The following CGGBP1 variants were observed in gnomAD, a reference collection of about 807,000 sequenced individuals.
CGGBP1 encodes the protein CGG triplet repeat binding protein 1.
In CGGBP1, 4 loss-of-function variants were observed where a neutral mutation model predicts 11.4. That is an observed-to-expected ratio of 0.35 (90% confidence interval 0.17 to 0.80). The LOEUF is 0.80. CGGBP1 is among the 30% of genes least tolerant of loss of function. The pLI is 0.52. For synonymous variants in CGGBP1, 76 were observed against 74.1 expected (o/e 1.03, Z -0.13); for missense variants, 135 against 202.1 (o/e 0.67, Z 2.01).
At chr3:88,081,848 T>C (rs943688961) in intron 2 of CGGBP1, among the ~76,000 whole-genome samples, 1 of 152,224 alleles carries the variant, frequency 6.6e-6, no homozygotes, top group African/African-American at 2.4e-5. Context: ...TGTTTACTGT[T>C]GCTGTAGAGT....
chr3:88,104,672 C>T (rs1354702807), intron 2 of CGGBP1, among the ~76,000 whole-genome samples: 2 of 152,134 alleles, frequency 1.3e-5, no homozygotes, highest in South Asian at 2.1e-4. Context: ...TTTGTAAACT[C>T]TAGAGTAACC....
chr3:88,079,398 T>C (rs1283935823), intron 2 of CGGBP1, among the ~76,000 whole-genome samples: 1 of 152,116 alleles, frequency 6.6e-6, no homozygotes, highest in Non-Finnish European at 1.5e-5. Flanking sequence ...TAAAGATGTA[T>C]GTGATAGCTG....
chr3:88,111,508 A>G (rs1020850001), intron 2 of CGGBP1, among the ~76,000 whole-genome samples: 1 of 151,954 alleles, frequency 6.6e-6, no homozygotes, highest in Admixed American at 6.6e-5. Flanking sequence ...TTTAATTCAT[A>G]TAGATGTAGC....
rs188944970 is a variant in CGGBP1, at chr3:88,120,591, C to T, written c.-229+20379G>A. Among the ~76,000 whole-genome samples the T allele has an allele frequency of 3.3e-5, 5 of 152,092 alleles. No individual in the cohort carries two copies. In the East Asian group the frequency reaches 9.7e-4, roughly 29 times the overall value. On this transcript the variant is annotated intron_variant, in intron 2 of 3. Transcript: ENST00000462901. ...ACAAACATGAGTTTTACATTCAGCC[C>T]CAAACACAAATATAAAAACAAATAA...
At chr3:88,148,555 G>A (rs536336351) in intron 1 of CGGBP1, among the ~76,000 whole-genome samples, 6 of 152,232 alleles carry the variant, frequency 3.9e-5, no homozygotes, top group Admixed American at 2.6e-4. Flanking sequence ...TGAGTAAATG[G>A]TACCCCAATA....
At chr3:88,149,200 G>GCA (rs922333313) in intron 1 of CGGBP1, among the ~76,000 whole-genome samples, 4 of 152,156 alleles carry the variant, frequency 2.6e-5, no homozygotes, top group African/African-American at 9.7e-5. Context: ...AGAGCCCCAT[G>GCA]CACTGTTCAC....
chr3:88,059,301 G>T (rs1274746286), upstream of CGGBP1: 3 of 1,532,938 alleles, frequency 2.0e-6, no homozygotes, highest in East Asian at 2.4e-5. Context: ...GCTGGTACGC[G>T]CTGGGCGGCG....
At chr3:88,064,076 C>G (rs1336325620) in intron 2 of CGGBP1, among the ~76,000 whole-genome samples, 1 of 149,672 alleles carries the variant, frequency 6.7e-6, no homozygotes, top group African/African-American at 2.4e-5. Flanking sequence ...TGGAAGAAAA[C>G]AAGAATGGAT....
rs775418057 is a variant in CGGBP1, at chr3:88,056,010, A to T, written c.-23-11T>A. 6.4e-7 allele frequency: 1 copy of T among 1,550,394 alleles called. No homozygotes were observed. Among genetic ancestry groups the T allele is most frequent in the African/African-American group, 1.4e-5 (1 of 72,752 alleles). ...TAAATAAATATGGTTCTTTCAAGAC[A>T]AAAGAAACAAAGATGAGTATTATAA... On this transcript the variant is annotated splice_polypyrimidine_tract_variant and intron_variant, in intron 3 of 3. Transcript: ENST00000482016.
intron 2 of CGGBP1, among the ~76,000 whole-genome samples, chr3:88,132,328 A>C (rs1032876576): frequency 3.3e-5 from 5 of 152,148 alleles, no homozygotes; most frequent in Non-Finnish European, 5.9e-5. Context: ...ATTAGTAGTT[A>C]ATAGGGTCTT....
chr3:88,143,117 A>G (rs1707206564), intron 1 of CGGBP1: 1 of 152,260 alleles, frequency 6.6e-6, no homozygotes, highest in South Asian at 2.1e-4. Flanking sequence ...ATCTCATCAG[A>G]CCCTATTAGA....
At chr3:88,092,640 C>T (rs1258695713) in intron 2 of CGGBP1, among the ~76,000 whole-genome samples, 9 of 152,184 alleles carry the variant, frequency 5.9e-5, no homozygotes, top group African/African-American at 2.2e-4. Context: ...TGATTTACAT[C>T]ATGACTTTAA....
At chr3:88,087,994 A>G (rs745790017) in intron 2 of CGGBP1, among the ~76,000 whole-genome samples, 1 of 152,258 alleles carries the variant, frequency 6.6e-6, no homozygotes, top group South Asian at 2.1e-4. Context: ...GGGATGCTCA[A>G]TCAGTAAGTA....
chr3:88,149,363 T>G (rs1576367414), intron 1 of CGGBP1, among the ~76,000 whole-genome samples: 1 of 152,138 alleles, frequency 6.6e-6, no homozygotes, highest in East Asian at 1.9e-4. Flanking sequence ...AACCTTAAAT[T>G]GCGCGCGACA....
intron 2 of CGGBP1, among the ~76,000 whole-genome samples, chr3:88,069,989 C>T (rs1707416017): frequency 6.6e-6 from 1 of 152,174 alleles, no homozygotes; most frequent in Non-Finnish European, 1.5e-5. Context: ...ATCTGTCGTA[C>T]TGTCATTTGA....
intron 2 of CGGBP1, among the ~76,000 whole-genome samples, chr3:88,098,830 C>G (rs1023236407): frequency 9.9e-5 from 15 of 152,022 alleles, no homozygotes; most frequent in African/African-American, 3.4e-4. Flanking sequence ...TTGATGGGAC[C>G]TATCTCAAAA....
intron 1 of CGGBP1, among the ~76,000 whole-genome samples, chr3:88,145,296 C>A (rs1707290812): frequency 6.6e-6 from 1 of 151,980 alleles, no homozygotes; most frequent in Non-Finnish European, 1.5e-5. Flanking sequence ...AGGAAAAAAA[C>A]TTTTGATGTG....
In CGGBP1 at chr3:88,110,894, C is replaced by T. The variant is rs141075462; in HGVS notation, c.-229+30076G>A. On this transcript the variant is annotated intron_variant, in intron 2 of 3. Coordinates refer to the CGGBP1 transcript ENST00000462901. ...GTTTGATGTGTTTTGCCTTTATTTG[C>T]TGTTACTTTGCATGTGGTTTTTCTC... Among the ~76,000 whole-genome samples the T allele has an allele frequency of 1.9e-4, 29 of 152,174 alleles. No homozygotes were observed. The East Asian group carries it at 5.6e-3, about 29-fold the overall frequency.
intron 2 of CGGBP1, among the ~76,000 whole-genome samples, chr3:88,131,490 A>T (rs994440110): frequency 4.6e-5 from 7 of 152,302 alleles, no homozygotes; most frequent in African/African-American, 1.7e-4. Flanking sequence ...TAATATACTC[A>T]TAAATAAACT....
Sources: gnomAD v4.1 joint callset for allele counts (sites outside exome capture counted in the v4.1 genomes callset) on GRCh38, gnomAD v4.1.1 for gene constraint, MANE v1.5 for transcripts, NCBI Gene and HGNC (gene_info 2026-07-23, HGNC 2026-07-21) for gene names.